The following TRPV1 variants were observed in gnomAD, a reference collection of about 807,000 sequenced individuals.
TRPV1 encodes the protein OTRPC1.
A neutral mutation model predicts 82.3 loss-of-function variants in TRPV1; 82 were observed. The ratio of observed to expected loss-of-function variants is 1.00; its 90% CI spans 0.83 to 1.20. The LOEUF (loss-of-function observed/expected upper bound fraction) is 1.20. TRPV1 is among the 50% of genes most tolerant of loss of function. The probability of loss-of-function intolerance (pLI) is 0.00; values close to 1 mark genes in which losing one functional copy is unlikely to be tolerated. For missense variants in TRPV1, 1,067 were observed against 1,096.8 expected (o/e 0.97, Z 0.38); for synonymous variants, 515 against 467.7 (o/e 1.10, Z -1.30).
At chr17:3,587,346 G>A (rs2075097478) in intron 8 of TRPV1, among the ~76,000 whole-genome samples, 1 of 152,182 alleles carries the variant, frequency 6.6e-6, no homozygotes, top group African/African-American at 2.4e-5. Flanking sequence ...CACTGCTGAT[G>A]GCACAGACTC....
chr17:3,569,908 C>CAGGGGCCAAGTGGTCAGGGAGG (rs1175733704), intron 16 of TRPV1, among the ~76,000 whole-genome samples: 11 of 113,922 alleles, frequency 9.7e-5, no homozygotes, highest in South Asian at 9.2e-4. Context: ...GGTTAGGGGC[C>CAGGGGCCAAGTGGTCAGGGAGG]AGGGGCCAAG....
At chr17:3,574,077 C>T (rs977787401) in intron 13 of TRPV1, 122 bp from the exon 14 acceptor site, 8 of 879,630 alleles carry the variant, frequency 9.1e-6, no homozygotes, top group Non-Finnish European at 1.2e-5. Context: ...TTTAAAGCAT[C>T]CCTTCTTTAA....
rs761766815 is a variant in TRPV1 at position 3,591,236 on chromosome 17, C to A, written c.402G>T (p.Leu134=). 3.7e-6 allele frequency: 6 copies of A among 1,613,094 alleles called. No individual in the cohort carries two copies. Among genetic ancestry groups the A allele is most frequent in the Non-Finnish European group, 5.1e-6 (6 of 1,179,722 alleles). ...QNNCQDLESL[L]LFLQKSKKHL... is the part of the protein sequence containing the mutation. ...GCTTCTTGCTCTTCTGCAGGAAGAG[C>A]AGCAGGCTCTCCAGATCCTGGCAGT... The change falls in exon 4 of 17, where the codon CTG becomes CTT. Residue 134 remains leucine, a synonymous_variant. Transcript: ENST00000572705.
chr17:3,585,652 TG>T, intron 9 of TRPV1, 115 bp downstream of exon 9: 2 of 1,290,232 alleles, frequency 1.6e-6, no homozygotes, highest in Non-Finnish European at 2.1e-6. Context: ...TCCCGCAAGC[TG>T]GGAAGGAGTC....
chr17:3,601,471 T>C (rs1241616242), intron 2 of TRPV1, among the ~76,000 whole-genome samples: 1 of 151,808 alleles, frequency 6.6e-6, no homozygotes, highest in Non-Finnish European at 1.5e-5. Flanking sequence ...CTAAACGTGC[T>C]GACTCCACCC....
intron 11 of TRPV1, among the ~76,000 whole-genome samples, chr17:3,579,623 G>A (rs1297195486): frequency 6.6e-6 from 1 of 152,094 alleles, no homozygotes; most frequent in South Asian, 2.1e-4. Context: ...TTACAGGTGC[G>A]TGCCACCATG....
At chr17:3,583,254 A>T (rs2075043826) in intron 10 of TRPV1, 84 bp downstream of exon 10, 1 of 1,216,740 alleles carries the variant, frequency 8.2e-7, no homozygotes, top group Non-Finnish European at 1.2e-6. Context: ...CTGATGAATT[A>T]AAAAGTGAGT....
At chr17:3,584,994 G>C (rs16953199) in intron 9 of TRPV1, among the ~76,000 whole-genome samples, 1,614 of 152,272 alleles carry the variant, frequency 0.011, 18 homozygotes, top group South Asian at 0.031. Context: ...CTGCTCAAAA[G>C]TCTAAATCCA....
At chr17:3,589,484 G>C (rs1350977559) in intron 7 of TRPV1, among the ~76,000 whole-genome samples, 2 of 152,142 alleles carry the variant, frequency 1.3e-5, no homozygotes. Context: ...TTACAAGAGT[G>C]AGTCACCGTG....
chr17:3,591,146 G>GCCAGGGCTGGGGCCCTCCCCGAGC, intron 4 of TRPV1, 30 bp from the exon 5 acceptor site: 4 of 1,609,934 alleles, frequency 2.5e-6, no homozygotes, highest in Non-Finnish European at 3.4e-6. Flanking sequence ...GTCAGGGCAG[G>GCCAGGGCTGGGGCCCTCCCCGAGC]CCAGGGCTGG....
intron 8 of TRPV1, among the ~76,000 whole-genome samples, chr17:3,587,233 G>A (rs559373952): frequency 6.6e-6 from 1 of 152,318 alleles, no homozygotes; most frequent in East Asian, 1.9e-4. Context: ...CCCAGGTTCA[G>A]CATGGCAGCC....
At position 3,591,171 on chromosome 17, in the gene TRPV1, C is replaced by A; in HGVS notation, c.451+16G>T. On this transcript the variant is annotated intron_variant, in intron 4 of 16. Transcript: ENST00000572705. ...GCCAGGGCTGGGGCCCTCCCCGAGC[C>A]CAGCGCTGGGGCCACCTTTGAACTC... is the stretch of plus-strand genomic sequence containing the variant. 1 of 1,608,548 alleles carries A rather than the reference C, an allele frequency of 6.2e-7. No homozygotes were observed. The highest frequency in any genetic ancestry group is 2.2e-5 in the East Asian group (1 of 44,696).
chr17:3,590,061 T>A lies in TRPV1; in HGVS notation c.790A>T (p.Ile264Phe), dbSNP rs548544844. The A allele has an allele frequency of 4.4e-6, 7 of 1,600,524 alleles. No individual in the cohort carries two copies. The highest frequency in any genetic ancestry group is 1.3e-5 in the African/African-American group (1 of 74,708). ...SLAACTNQLG[I>F]VKFLLQNSWQ... is the part of the protein sequence containing the mutation. ...GAGTTCTGCAGCAGGAACTTCACGA[T>A]GCCCAGCTGGTTGGTGCACGCGGCC... The change falls in exon 7 of 17, where the codon ATC (isoleucine) becomes TTC (phenylalanine). Residue 264 changes from isoleucine (I) to phenylalanine (F), a missense_variant. Coordinates refer to ENST00000572705, the MANE Select transcript of TRPV1 (RefSeq NM_080704.4).
chr17:3,579,848 A>G (rs2074982440), intron 11 of TRPV1, among the ~76,000 whole-genome samples: 1 of 152,158 alleles, frequency 6.6e-6, no homozygotes, highest in South Asian at 2.1e-4. Context: ...ACCGGGAGTG[A>G]TTCCGGCACC....
intron 16 of TRPV1, among the ~76,000 whole-genome samples, chr17:3,569,785 G>GT (rs1242609382): frequency 3.3e-5 from 5 of 152,178 alleles, no homozygotes; most frequent in Non-Finnish European, 7.3e-5. Flanking sequence ...GTGGCTCAGA[G>GT]TATTTAAAGG....
chr17:3,573,463 T>C (rs1407569909), intron 14 of TRPV1, among the ~76,000 whole-genome samples, 170 bp downstream of exon 14: 1 of 152,144 alleles, frequency 6.6e-6, no homozygotes, highest in African/African-American at 2.4e-5. Flanking sequence ...CCTCAAATCC[T>C]GCAGGGCTCA....
At chr17:3,603,339 C>T (rs571472853) in intron 2 of TRPV1, among the ~76,000 whole-genome samples, 1 of 151,984 alleles carries the variant, frequency 6.6e-6, no homozygotes, top group African/African-American at 2.4e-5. Flanking sequence ...GCTGGAGCCC[C>T]GCTCTGCAGA....
Position 3,592,288 on chromosome 17 carries a change from G to A in TRPV1, c.63C>T (p.Cys21=). Residue 21 remains cysteine, a synonymous_variant, in exon 3 of 17, where the codon TGC becomes TGT. Coordinates refer to ENST00000572705, the MANE Select transcript of TRPV1 (RefSeq NM_080704.4). The part of the protein sequence containing the change: ...AAADPLQKDT[C]PDPLDGDPNS... ...TAGGGTCTCCATCCAGGGGGTCTGGGCAGGTGTCCTTTTGGAGTGGGTCCG... is the reference window on the plus strand; with the variant it reads ...TAGGGTCTCCATCCAGGGGGTCTGGACAGGTGTCCTTTTGGAGTGGGTCCG... The A allele has an allele frequency of 1.9e-6, 3 of 1,603,872 alleles. No homozygotes were observed. Among genetic ancestry groups the A allele is most frequent in the Non-Finnish European group, 2.6e-6 (3 of 1,175,126 alleles).
In TRPV1 at chr17:3,567,088, T is replaced by C. The variant is rs137861874; in HGVS notation, c.2348-101A>G. 3.1e-4 allele frequency: 427 copies of C among 1,356,596 alleles called. 1 individual carries two copies. In the African/African-American group the frequency reaches 5.7e-3, roughly 18 times the overall value. The allele number at this position is 1,356,596 out of a possible 1,614,324, so 84.0% of individuals were successfully genotyped here. Reference sequence around the variant, plus strand: ...AAAAGGAGGTCCAAGACAGGCACGATGGCTCATGCCTGTAATCCCAGCACT... The same window carrying C: ...AAAAGGAGGTCCAAGACAGGCACGACGGCTCATGCCTGTAATCCCAGCACT... On this transcript the variant is annotated intron_variant, in intron 16 of 16. Transcript: ENST00000572705.
Sources: allele counts gnomAD v4.1 joint callset (sites outside exome capture counted in the v4.1 genomes callset), GRCh38; gene constraint gnomAD v4.1.1; transcripts MANE v1.5; gene names NCBI Gene and HGNC (gene_info 2026-07-23, HGNC 2026-07-21).